Variants in FAT3 observed in about 807,000 individuals in gnomAD.
FAT3 encodes the protein FAT atypical cadherin 3, also known as protocadherin Fat 3.
FAT3 carries 95 observed loss-of-function variants against 310.2 expected under a neutral mutation model. That is an observed-to-expected ratio of 0.31 (90% confidence interval 0.26 to 0.36). The LOEUF (loss-of-function observed/expected upper bound fraction) is 0.36, where lower values mean the gene tolerates loss of function less well. Ranked by LOEUF, FAT3 falls within the 10% of genes least tolerant of loss-of-function variation. FAT3 has a pLI of 1.00. For synonymous variants in FAT3, 2,314 were observed against 2,192.9 expected (o/e 1.06, Z -1.54); for missense variants, 5,408 against 5,715.6 (o/e 0.95, Z 1.74).
At chr11:92,292,486 C>G (rs1239580091) in intron 1 of FAT3, among the ~76,000 whole-genome samples, 1 of 152,038 alleles carries the variant, frequency 6.6e-6, no homozygotes, top group Non-Finnish European at 1.5e-5. Context: ...GTGACACTTG[C>G]CTTCTGTCTT....
chr11:92,278,724 T>G (rs1265393976), intron 1 of FAT3, among the ~76,000 whole-genome samples: 1 of 152,194 alleles, frequency 6.6e-6, no homozygotes. Flanking sequence ...TTCTTTAGTT[T>G]TGAATCCTAT....
chr11:92,890,766 G>A lies in FAT3; in HGVS notation c.13423G>A (p.Ala4475Thr), dbSNP rs114541747. The A allele has an allele frequency of 1.4e-3, 2,270 of 1,613,700 alleles. 25 individuals carry two copies. The African/African-American group carries it at 0.026, about 18-fold the overall frequency. The change falls in exon 28 of 28, where the codon GCC becomes ACC. Residue 4475 changes from alanine (A) to threonine (T), a missense_variant. Around this residue, in one of 5 missense-constraint regions of FAT3, gnomAD observed 649 missense variants for 666.2 expected, o/e 0.97. Coordinates refer to ENST00000525166, the MANE Select transcript of FAT3 (RefSeq NM_001367949.2). ...GCCACCCTCCCAGCCTGTCTCCCTG[G>A]CCAGCACACTGAGCCCAGACTGCAG... ...ALPPSQPVSLASTLSPDCRRR... is the reference protein window; with the variant it reads ...ALPPSQPVSLTSTLSPDCRRR...
At chr11:92,862,491 C>T (rs1443349921) in intron 21 of FAT3, among the ~76,000 whole-genome samples, 5 of 152,166 alleles carry the variant, frequency 3.3e-5, no homozygotes, top group African/African-American at 1.2e-4. Context: ...ATAACTATCA[C>T]ACATTTTATT....
At chr11:92,473,774 G>T (rs936321277) in intron 2 of FAT3, among the ~76,000 whole-genome samples, 1 of 152,290 alleles carries the variant, frequency 6.6e-6, no homozygotes, top group East Asian at 1.9e-4. Context: ...TGTACACAGG[G>T]ACTAGCAAGA....
intron 3 of FAT3, among the ~76,000 whole-genome samples, chr11:92,663,436 T>C (rs1418160756): frequency 1.3e-5 from 2 of 152,112 alleles, no homozygotes; most frequent in East Asian, 3.9e-4. Flanking sequence ...AGAGTATAGT[T>C]GCTGATGGAC....
intron 2 of FAT3, among the ~76,000 whole-genome samples, chr11:92,371,210 T>C (rs1390163325): frequency 6.6e-6 from 1 of 152,230 alleles, no homozygotes; most frequent in African/African-American, 2.4e-5. Flanking sequence ...TATTGACATA[T>C]TTTCTTTTCA....
intron 1 of FAT3, among the ~76,000 whole-genome samples, chr11:92,250,051 A>G (rs746250099): frequency 5.9e-5 from 9 of 152,134 alleles, no homozygotes; most frequent in Non-Finnish European, 1.3e-4. Context: ...TAATAATTTT[A>G]TGAGTTGAAG....
rs191842278 is a variant in FAT3 at position 92,230,355 on chromosome 11, G to A, written c.-18+5181G>A. ...ATTGCCCAGGCTGGAGTGCAGTGGC[G>A]TGTTCTTGGCTCACTGCAACCTCCG... On this transcript the variant is annotated intron_variant, in intron 1 of 27. Coordinates refer to ENST00000525166, the MANE Select transcript of FAT3 (RefSeq NM_001367949.2). Among the ~76,000 whole-genome samples the A allele has an allele frequency of 3.0e-3, 463 of 152,126 alleles. 1 individual carries two copies. The highest frequency in any genetic ancestry group is 4.6e-3 in the Non-Finnish European group (316 of 67,994).
At chr11:92,250,101 C>T (rs1865077683) in intron 1 of FAT3, among the ~76,000 whole-genome samples, 1 of 152,218 alleles carries the variant, frequency 6.6e-6, no homozygotes, top group Admixed American at 6.6e-5. Context: ...ATTAATTGCT[C>T]TCTGCCCCGG....
chr11:92,787,513 G>A (rs1946925460), intron 7 of FAT3, among the ~76,000 whole-genome samples: 1 of 151,704 alleles, frequency 6.6e-6, no homozygotes, highest in Admixed American at 6.6e-5. Context: ...TAAACATGCT[G>A]GTTTGACTTT....
intron 13 of FAT3, among the ~76,000 whole-genome samples, chr11:92,823,319 A>G (rs1209218067): frequency 1.3e-5 from 2 of 152,178 alleles, no homozygotes; most frequent in East Asian, 3.9e-4. Flanking sequence ...CTTACACTTA[A>G]TCATCCCAGG....
chr11:92,374,052 A>AGAGAGAGAGAGAGG (rs1949272265), intron 2 of FAT3, among the ~76,000 whole-genome samples: 1 of 151,268 alleles, frequency 6.6e-6, no homozygotes, highest in Non-Finnish European at 1.5e-5. Context: ...AGAGAGAGAG[A>AGAGAGAGAGAGAGG]GAGAGAATTT....
intron 9 of FAT3, 92 bp from the exon 10 acceptor site, chr11:92,797,744 A>G (rs1353437754): frequency 1.8e-6 from 2 of 1,100,250 alleles, no homozygotes; most frequent in Non-Finnish European, 2.6e-6. Context: ...TACTTGCCAC[A>G]TTGCAGTAAG....
chr11:92,859,275 A>T lies in FAT3; in HGVS notation c.11611A>T (p.Asn3871Tyr), dbSNP rs1423630450. The change falls in exon 21 of 28, where the codon AAT becomes TAT. Residue 3871 changes from asparagine to tyrosine, a missense_variant. By Grantham distance (143) the Asn-to-Tyr change is moderately radical. This residue lies in a region of FAT3 where 4,588 missense variants were observed against 4,809.8 expected (regional missense o/e 0.95). Coordinates refer to ENST00000525166, the MANE Select transcript of FAT3 (RefSeq NM_001367949.2). ...LALRLRTLQS[N>Y]GIIMYTRANP... ...TCTGCGTCTTCGAACACTGCAAAGC[A>T]ATGGGATTATAATGTACACCAGAGC... The T allele has an allele frequency of 5.6e-6, 9 of 1,613,174 alleles. No homozygotes were observed. The highest frequency in any genetic ancestry group is 7.6e-6 in the Non-Finnish European group (9 of 1,179,570).
intron 3 of FAT3, among the ~76,000 whole-genome samples, chr11:92,573,293 A>G (rs1439118778): frequency 6.6e-6 from 1 of 152,124 alleles, no homozygotes; most frequent in Non-Finnish European, 1.5e-5. Flanking sequence ...CTCCCTGAGG[A>G]TGGCTATGCT....
At chr11:92,500,648 A>G (rs1183402349) in intron 2 of FAT3, among the ~76,000 whole-genome samples, 1 of 152,026 alleles carries the variant, frequency 6.6e-6, no homozygotes, top group Non-Finnish European at 1.5e-5. Flanking sequence ...GTGACAGAAC[A>G]CACATCAGCA....
At chr11:92,254,373 G>A (rs1377763439) in intron 1 of FAT3, among the ~76,000 whole-genome samples, 2 of 152,116 alleles carry the variant, frequency 1.3e-5, no homozygotes, top group East Asian at 1.9e-4. Context: ...TCACCAGACT[G>A]TTACAAAGAT....
intron 3 of FAT3, among the ~76,000 whole-genome samples, chr11:92,549,078 C>A (rs903759399): frequency 1.3e-5 from 2 of 152,134 alleles, no homozygotes; most frequent in Non-Finnish European, 2.9e-5. Context: ...AGCCTGAAAA[C>A]ACCTTTATAG....
At chr11:92,348,642 C>G (rs776659561) in intron 1 of FAT3, among the ~76,000 whole-genome samples, 1 of 152,100 alleles carries the variant, frequency 6.6e-6, no homozygotes, top group African/African-American at 2.4e-5. Flanking sequence ...TTAATGAAAA[C>G]TAATTCAATT....
Sources: gnomAD v4.1 joint callset for allele counts (sites outside exome capture counted in the v4.1 genomes callset) on GRCh38, gnomAD v4.1.1 for gene constraint, gnomAD v4.1.1 regional missense constraint, MANE v1.5 for transcripts, NCBI Gene and HGNC (gene_info 2026-07-23, HGNC 2026-07-21) for gene names.